ZBBX: variants seen among roughly 807,000 people sequenced by gnomAD.
ZBBX encodes zinc finger B-box domain containing.
A neutral mutation model predicts 108.5 loss-of-function variants in ZBBX; 101 were observed. The ratio of observed to expected loss-of-function variants is 0.93; its 90% CI spans 0.79 to 1.10. The LOEUF is 1.10. ZBBX is among the 50% of genes least tolerant of loss of function. ZBBX has a pLI of 0.00. For synonymous variants in ZBBX, 356 were observed against 323.4 expected (o/e 1.10, Z -1.08); for missense variants, 1,009 against 941.4 (o/e 1.07, Z -0.94).
chr3:167,247,688 C>T (rs886576629), intron 20 of ZBBX, among the ~76,000 whole-genome samples: 9 of 152,114 alleles, frequency 5.9e-5, no homozygotes, highest in Middle Eastern at 3.2e-3. Context: ...GTATGATCCC[C>T]GAGAGGTTAG....
chr3:167,315,909 T>C, intron 14 of ZBBX, 80 bp from the exon 15 acceptor site: 1 of 806,450 alleles, frequency 1.2e-6, no homozygotes, highest in Non-Finnish European at 1.9e-6. Context: ...ATGGGTGATA[T>C]TTGGAGTACA....
At chr3:167,406,215 G>A (rs564190290) in intron 1 of ZBBX, among the ~76,000 whole-genome samples, 1 of 152,250 alleles carries the variant, frequency 6.6e-6, no homozygotes, top group South Asian at 2.1e-4. Flanking sequence ...GAATGGTATA[G>A]GTAAAACGTA....
intron 1 of ZBBX, among the ~76,000 whole-genome samples, chr3:167,406,825 T>A (rs954337443): frequency 4.6e-5 from 7 of 152,168 alleles, no homozygotes; most frequent in African/African-American, 1.7e-4. Flanking sequence ...AAATCCTAAT[T>A]CTATTCTTGA....
intron 17 of ZBBX, among the ~76,000 whole-genome samples, chr3:167,304,246 G>T (rs1733212917): frequency 6.6e-6 from 1 of 152,152 alleles, no homozygotes; most frequent in African/African-American, 2.4e-5. Context: ...CTAGGACAAA[G>T]GTCTGGCAGG....
At chr3:167,246,446 C>T (rs1374802717) in intron 20 of ZBBX, among the ~76,000 whole-genome samples, 1 of 152,330 alleles carries the variant, frequency 6.6e-6, no homozygotes, top group Non-Finnish European at 1.5e-5. Flanking sequence ...CACTGCCTCA[C>T]TGTTTTATTT....
At chr3:167,376,641 T>C (rs1373791570) in intron 2 of ZBBX, among the ~76,000 whole-genome samples, 1 of 152,216 alleles carries the variant, frequency 6.6e-6, no homozygotes, top group Non-Finnish European at 1.5e-5. Context: ...GTAAATCTCA[T>C]TACAATAAGA....
At chr3:167,247,076 C>G (rs571699778) in intron 20 of ZBBX, among the ~76,000 whole-genome samples, 116 of 152,296 alleles carry the variant, frequency 7.6e-4, no homozygotes, top group African/African-American at 2.7e-3. Context: ...TGAGGACAGG[C>G]ACTCCTGCTT....
intron 1 of ZBBX, among the ~76,000 whole-genome samples, chr3:167,406,797 A>G (rs998669618): frequency 6.6e-6 from 1 of 152,212 alleles, no homozygotes; most frequent in Non-Finnish European, 1.5e-5. Context: ...GGATCAGGGA[A>G]GTTGCAAACA....
chr3:167,320,528 C>T (rs1461137852), intron 12 of ZBBX, among the ~76,000 whole-genome samples: 1 of 151,962 alleles, frequency 6.6e-6, no homozygotes, highest in Admixed American at 6.6e-5. Context: ...CTAACTGCTG[C>T]AGGCAAAATT....
At chr3:167,229,994 A>C in the ZBBX span, among the ~76,000 whole-genome samples, 1 of 151,862 alleles carries the variant, frequency 6.6e-6, no homozygotes, top group Non-Finnish European at 1.5e-5. Flanking sequence ...TTGAAGTGGA[A>C]ATTATTGCTT....
chr3:167,386,704 A>G (rs1747933893), intron 1 of ZBBX, among the ~76,000 whole-genome samples: 1 of 152,072 alleles, frequency 6.6e-6, no homozygotes, highest in Non-Finnish European at 1.5e-5. Context: ...TCTTAAAAAG[A>G]AAAAAGCTGG....
intron 16 of ZBBX, among the ~76,000 whole-genome samples, chr3:167,313,378 C>T (rs894315978): frequency 2.6e-5 from 4 of 152,026 alleles, no homozygotes; most frequent in African/African-American, 9.7e-5. Flanking sequence ...TGGGCTCAAG[C>T]GATTCTCCTG....
the ZBBX span, among the ~76,000 whole-genome samples, chr3:167,180,560 C>A: frequency 6.6e-6 from 1 of 152,182 alleles, no homozygotes; most frequent in East Asian, 1.9e-4. Context: ...GTGGGGGCAG[C>A]ACAAAGTATA....
intron 18 of ZBBX, among the ~76,000 whole-genome samples, chr3:167,295,687 AT>A (rs1190711463): frequency 7.0e-5 from 10 of 142,854 alleles, no homozygotes; most frequent in Admixed American, 2.2e-4. Flanking sequence ...TTAAAAAAAA[AT>A]CATGAAGAAA....
At chr3:167,324,817 G>T (rs913372845) in intron 11 of ZBBX, among the ~76,000 whole-genome samples, 1 of 152,066 alleles carries the variant, frequency 6.6e-6, no homozygotes, top group African/African-American at 2.4e-5. Context: ...TAAGTATTAC[G>T]GTGCTTAATG....
At chr3:167,363,476 C>A (rs547868322) in intron 6 of ZBBX, among the ~76,000 whole-genome samples, 2 of 152,188 alleles carry the variant, frequency 1.3e-5, no homozygotes, top group Admixed American at 1.3e-4. Context: ...ATTTTCATTG[C>A]CACCTGTTTT....
downstream of ZBBX, among the ~76,000 whole-genome samples, chr3:167,239,725 G>A (rs1720389017): frequency 6.6e-6 from 1 of 152,030 alleles, no homozygotes; most frequent in South Asian, 2.1e-4. Flanking sequence ...TTTTGGCTGT[G>A]CAAAGGGATG....
chr3:167,273,307 A>T (rs1726872309), intron 20 of ZBBX, among the ~76,000 whole-genome samples: 1 of 152,194 alleles, frequency 6.6e-6, no homozygotes, highest in Admixed American at 6.5e-5. Flanking sequence ...ATGCTCGTGC[A>T]CATGGCTGGC....
chr3:167,336,637 T>G (rs1415208795), intron 9 of ZBBX, among the ~76,000 whole-genome samples: 3 of 152,156 alleles, frequency 2.0e-5, no homozygotes, highest in Non-Finnish European at 4.4e-5. Flanking sequence ...ATTAACCTTT[T>G]TCCCTACTAG....
Sources: gnomAD v4.1 joint callset for allele counts (sites outside exome capture counted in the v4.1 genomes callset) on GRCh38, gnomAD v4.1.1 for gene constraint, MANE v1.5 for transcripts, NCBI Gene and HGNC (gene_info 2026-07-23, HGNC 2026-07-21) for gene names.